The following MGAM2 variants were observed in gnomAD, a reference collection of about 807,000 sequenced individuals.
MGAM2 encodes the protein maltase-glucoamylase 2 (putative).
MGAM2 carries 98 observed loss-of-function variants against 96.1 expected under a neutral mutation model. That is an observed-to-expected ratio of 1.02 (90% CI 0.87 to 1.21). The LOEUF (loss-of-function observed/expected upper bound fraction) is 1.21. Among genes scored for constraint, MGAM2 ranks in the 50% most tolerant of loss-of-function variants. MGAM2 has a pLI of 0.00. For synonymous variants in MGAM2, 749 were observed against 414.8 expected (o/e 1.81, Z -9.79); for missense variants, 2,055 against 1,182.4 (o/e 1.74, Z -10.82).
intron 45 of MGAM2, among the ~76,000 whole-genome samples, chr7:142,205,636 C>T (rs1039308928): frequency 2.0e-5 from 3 of 151,990 alleles, no homozygotes; most frequent in Non-Finnish European, 4.4e-5. Flanking sequence ...TGCTTATATT[C>T]TTTTCACATT....
intron 2 of MGAM2, among the ~76,000 whole-genome samples, chr7:142,118,126 CG>C (rs1262344401): frequency 1.3e-5 from 2 of 150,368 alleles, no homozygotes; most frequent in East Asian, 1.9e-4. Flanking sequence ...TTATTCATCT[CG>C]CATAACTGAA....
intron 3 of MGAM2, among the ~76,000 whole-genome samples, chr7:142,127,236 A>G (rs1794756034): frequency 6.6e-6 from 1 of 152,122 alleles, no homozygotes; most frequent in South Asian, 2.1e-4. Flanking sequence ...ATGATCCATG[A>G]CATTTTATTT....
chr7:142,219,429 T>C (rs1044750018), intron 47 of MGAM2, among the ~76,000 whole-genome samples: 2 of 152,196 alleles, frequency 1.3e-5, no homozygotes, highest in Non-Finnish European at 2.9e-5. Context: ...GTTAAGATTG[T>C]GCAGAAAATC....
At position 142,164,890 on chromosome 7, in the gene MGAM2, A is replaced by G; in HGVS notation, c.2519A>G (p.Tyr840Cys). ...HLQAKIINNN[Y>C]MDTDNLMFTD... ...CAAGCAAAGATTATAAATAATAATTATATGGACACTGACAACCTCATGTTC... is the reference window on the plus strand; with the variant it reads ...CAAGCAAAGATTATAAATAATAATTGTATGGACACTGACAACCTCATGTTC... The change falls in exon 24 of 48, where the codon TAT becomes TGT. Residue 840 changes from tyrosine to cysteine, a missense_variant. Transcript: ENST00000477922. 1.4e-6 allele frequency: 1 copy of G among 701,462 alleles called. No homozygotes were observed. The highest frequency in any genetic ancestry group is 2.7e-5 in the East Asian group (1 of 37,220). 43.5% of individuals were successfully genotyped at this position (701,462 alleles called of 1,614,324 possible).
rs34480300 is a variant in MGAM2 at position 142,174,715 on chromosome 7, C to CTTTTTTTTTTTTTTT, written c.3688-933_3688-919dup. ...ATGCCCTTTATTTCTCTCTCTCTCT[C>CTTTTTTTTTTTTTTT]TTTTTTTTTTTTTTTTTTGAGTTGG... On this transcript the variant is annotated intron_variant, in intron 31 of 47. Transcript: ENST00000477922. 6.4e-3 allele frequency among the ~76,000 whole-genome samples: 546 copies of CTTTTTTTTTTTTTTT among 85,408 alleles called. 65 individuals carry two copies. Among genetic ancestry groups the CTTTTTTTTTTTTTTT allele is most frequent in the South Asian group, 8.1e-3 (15 of 1,858 alleles). 56.0% of individuals were successfully genotyped at this position (85,408 alleles called of 152,430 possible).
At chr7:142,157,097 T>A (rs570460452) in intron 17 of MGAM2, among the ~76,000 whole-genome samples, 8 of 152,184 alleles carry the variant, frequency 5.3e-5, no homozygotes, top group African/African-American at 1.9e-4. Flanking sequence ...GGTGGAAACA[T>A]TACAGATAAA....
rs559253656 is a variant in MGAM2 at position 142,155,973 on chromosome 7, C to G, written c.1923+1128C>G. Among the ~76,000 whole-genome samples, 4 of 152,272 alleles carry G rather than the reference C, an allele frequency of 2.6e-5. No individual in the cohort carries two copies. The South Asian group carries it at 8.3e-4, about 32-fold the overall frequency. Reference sequence around the variant, plus strand: ...CCAGCCTGACCAACATGGAGAAACTCTATCTCTACTAAAAATACAAAATTA... The same window carrying G: ...CCAGCCTGACCAACATGGAGAAACTGTATCTCTACTAAAAATACAAAATTA... On this transcript the variant is annotated intron_variant, in intron 17 of 47. Transcript: ENST00000477922.
intron 46 of MGAM2, among the ~76,000 whole-genome samples, chr7:142,210,334 C>T (rs1442170911): frequency 2.6e-5 from 4 of 151,578 alleles, no homozygotes; most frequent in Admixed American, 2.0e-4. Flanking sequence ...GTGCCTGGAA[C>T]ACCAGTGAGA....
In MGAM2 at chr7:142,183,272, G is replaced by C. The variant is rs1178515581; in HGVS notation, c.3823G>C (p.Ala1275Pro). 1.4e-6 allele frequency: 1 copy of C among 702,304 alleles called. No individual in the cohort carries two copies. The highest frequency in any genetic ancestry group is 2.0e-5 in the Admixed American group (1 of 49,810). The allele number at this position is 702,304 out of a possible 1,614,324, so 43.5% of individuals were successfully genotyped here. The change falls in exon 33 of 48, where the codon GCC (alanine) becomes CCC (proline). Residue 1275 changes from alanine (A) to proline (P), a missense_variant. Transcript: ENST00000477922. Reference protein sequence around the residue: ...GMRFILILDPAISGNETQYLP... With the variant: ...GMRFILILDPPISGNETQYLP... ...TGAAATTCTTTTACTGCAGGACCCA[G>C]CCATTTCTGGCAATGAGACACAGTA...
At chr7:142,177,809 C>T (rs952077762) in intron 32 of MGAM2, among the ~76,000 whole-genome samples, 1 of 152,144 alleles carries the variant, frequency 6.6e-6, no homozygotes, top group Non-Finnish European at 1.5e-5. Context: ...TCTGCTATTG[C>T]AGATAGTGCT....
At chr7:142,114,153 G>GGAAAGAAAGAAAAAGAAA (rs1817277283) in intron 1 of MGAM2, among the ~76,000 whole-genome samples, 1 of 87,008 alleles carries the variant, frequency 1.1e-5, no homozygotes, top group Non-Finnish European at 2.2e-5. Flanking sequence ...AAAGAAAGAA[G>GGAAAGAAAGAAAAAGAAA]GAAAGAAAGA....
At chr7:142,199,102 T>C (rs528288868) in intron 44 of MGAM2, among the ~76,000 whole-genome samples, 1 of 152,356 alleles carries the variant, frequency 6.6e-6, no homozygotes, top group African/African-American at 2.4e-5. Context: ...GTCCTTGTCC[T>C]ATCCTAGAAC....
intron 1 of MGAM2, among the ~76,000 whole-genome samples, chr7:142,114,177 A>AGAAAGAAG (rs1817291188): frequency 7.8e-6 from 1 of 128,912 alleles, no homozygotes; most frequent in Non-Finnish European, 1.6e-5. Flanking sequence ...AAAGAAAGAA[A>AGAAAGAAG]GAAAGAAAGA....
Position 142,221,993 on chromosome 7 carries a change from A to G in MGAM2, c.7482A>G (p.Thr2494=). Residue 2494 remains threonine, a synonymous_variant, in exon 48 of 48, where the codon ACA becomes ACG. Transcript: ENST00000477922. ...TAAATACTACCACTCCTGATAGTAC[A>G]GTACATACCTCTGCTACTGCACCTA... is the stretch of plus-strand genomic sequence containing the variant. ...YALNTTTPDS[T]VHTSATAPTY... is the part of the protein sequence containing the mutation. 3 of 398,522 alleles carry G rather than the reference A, an allele frequency of 7.5e-6. No homozygotes were observed. Among genetic ancestry groups the G allele is most frequent in the Non-Finnish European group, 1.3e-5 (3 of 225,960 alleles). 24.7% of individuals were successfully genotyped at this position (398,522 alleles called of 1,614,324 possible). A position where few individuals can be genotyped will look rare whatever the true frequency, so the allele number is the denominator to read the frequency against.
At chr7:142,113,794 G>A (rs1817255520) in intron 1 of MGAM2, among the ~76,000 whole-genome samples, 1 of 152,074 alleles carries the variant, frequency 6.6e-6, no homozygotes, top group Non-Finnish European at 1.5e-5. Flanking sequence ...TGTCTGCGTA[G>A]TTTAAAAAAG....
At chr7:142,128,365 C>T (rs772594955) in intron 3 of MGAM2, among the ~76,000 whole-genome samples, 1 of 152,092 alleles carries the variant, frequency 6.6e-6, no homozygotes, top group Non-Finnish European at 1.5e-5. Context: ...AAAGAAAAAC[C>T]CATTTTCTGA....
intron 37 of MGAM2, among the ~76,000 whole-genome samples, chr7:142,191,645 T>C (rs1198748851): frequency 1.3e-5 from 2 of 152,144 alleles, no homozygotes; most frequent in African/African-American, 2.4e-5. Context: ...ACTGTCTTAA[T>C]TGATGAAGTG....
intron 21 of MGAM2, 50 bp from the exon 22 acceptor site, chr7:142,161,075 T>C: frequency 1.4e-6 from 1 of 698,264 alleles, no homozygotes; most frequent in South Asian, 1.5e-5. Context: ...TGGTTTCACA[T>C]AGTTCCATCT....
intron 3 of MGAM2, among the ~76,000 whole-genome samples, chr7:142,123,032 AT>A (rs1230653519): frequency 9.2e-5 from 14 of 151,958 alleles, no homozygotes; most frequent in African/African-American, 2.4e-4. Context: ...GTTTCACCAT[AT>A]TGGCCAGGAT....
Sources: gnomAD v4.1 joint callset for allele counts (sites outside exome capture counted in the v4.1 genomes callset) on GRCh38, gnomAD v4.1.1 for gene constraint, MANE v1.5 for transcripts, NCBI Gene and HGNC (gene_info 2026-07-23, HGNC 2026-07-21) for gene names.